TAFA1: variants seen among roughly 807,000 people sequenced by gnomAD.
TAFA1 encodes chemokine-like protein TAFA-1.
In TAFA1, 4 loss-of-function variants were observed where a neutral mutation model predicts 18.5. The ratio of observed to expected loss-of-function variants is 0.22; its 90% CI spans 0.11 to 0.49. The LOEUF (loss-of-function observed/expected upper bound fraction) is 0.49. Among genes scored for constraint, TAFA1 ranks in the 20% least tolerant of loss-of-function variants. The pLI, the probability that TAFA1 is intolerant of heterozygous loss-of-function variation, is 0.98. For missense variants in TAFA1, 147 were observed against 169.0 expected (o/e 0.87, Z 0.72); for synonymous variants, 56 against 55.2 (o/e 1.01, Z -0.06).
intron 3 of TAFA1, among the ~76,000 whole-genome samples, chr3:68,448,850 G>GA (rs1190188131): frequency 3.3e-5 from 5 of 152,052 alleles, no homozygotes; most frequent in Non-Finnish European, 5.9e-5. Flanking sequence ...ATGTAGAGAA[G>GA]AAAAAACAAT....
intron 4 of TAFA1, among the ~76,000 whole-genome samples, chr3:68,542,740 G>A (rs1381467849): frequency 1.3e-5 from 2 of 152,088 alleles, no homozygotes; most frequent in Non-Finnish European, 1.5e-5. Context: ...ATTTTTAAAG[G>A]TGTGGGTAGT....
chr3:68,359,198 A>G (rs2069423890), intron 2 of TAFA1, among the ~76,000 whole-genome samples: 1 of 152,008 alleles, frequency 6.6e-6, no homozygotes, highest in South Asian at 2.1e-4. Flanking sequence ...AGTATGCCCT[A>G]TGGCAAAAGG....
chr3:68,249,038 C>G (rs2067140445), intron 2 of TAFA1, among the ~76,000 whole-genome samples: 1 of 152,102 alleles, frequency 6.6e-6, no homozygotes. Context: ...GGCTCTGGGT[C>G]TCTTCTTCAG....
intron 2 of TAFA1, among the ~76,000 whole-genome samples, chr3:68,277,093 G>A (rs1285720662): frequency 6.6e-6 from 1 of 151,990 alleles, no homozygotes. Flanking sequence ...GGAAATACAT[G>A]AGAACAAGAT....
At chr3:68,000,170 T>C (rs1437004676), upstream of TAFA1, among the ~76,000 whole-genome samples, 1 of 152,236 alleles carries the variant, frequency 6.6e-6, no homozygotes, top group Admixed American at 6.5e-5. Context: ...GATTCATTTA[T>C]TATTATTCAT....
At chr3:68,513,491 T>G (rs2072879066) in intron 3 of TAFA1, among the ~76,000 whole-genome samples, 1 of 152,324 alleles carries the variant, frequency 6.6e-6, no homozygotes, top group African/African-American at 2.4e-5. Context: ...TGGCTAGTAG[T>G]TATCTTATTT....
chr3:68,510,609 TA>T, intron 3 of TAFA1, among the ~76,000 whole-genome samples: 1 of 152,238 alleles, frequency 6.6e-6, no homozygotes, highest in South Asian at 2.1e-4. Context: ...ACAATATTGC[TA>T]AATAGGTTAT....
chr3:68,475,522 G>C (rs528811242), intron 3 of TAFA1, among the ~76,000 whole-genome samples: 2 of 152,262 alleles, frequency 1.3e-5, no homozygotes, highest in African/African-American at 2.4e-5. Flanking sequence ...GTATTCCATG[G>C]TGTATATGTG....
At chr3:68,210,948 C>T (rs2066589092) in intron 2 of TAFA1, among the ~76,000 whole-genome samples, 1 of 151,894 alleles carries the variant, frequency 6.6e-6, no homozygotes, top group Admixed American at 6.6e-5. Flanking sequence ...GACTGGAAGA[C>T]CCAGTGCTAA....
At chr3:68,286,085 C>A (rs1044276682) in intron 2 of TAFA1, among the ~76,000 whole-genome samples, 2 of 151,986 alleles carry the variant, frequency 1.3e-5, no homozygotes, top group Non-Finnish European at 2.9e-5. Context: ...GTGGCATGCA[C>A]CTGTAGTCCC....
At chr3:68,293,411 C>T (rs1049167885) in intron 2 of TAFA1, among the ~76,000 whole-genome samples, 2 of 152,108 alleles carry the variant, frequency 1.3e-5, no homozygotes, top group African/African-American at 4.8e-5. Context: ...AAAAAAAAAT[C>T]CCTGTTGTAG....
Position 68,086,367 on chromosome 3 carries a change from A to T in TAFA1, c.118+79623A>T, listed in dbSNP as rs188302794. On this transcript the variant is annotated intron_variant, in intron 2 of 4. Coordinates refer to ENST00000478136, the MANE Select transcript of TAFA1 (RefSeq NM_213609.4). ...TGGAGATGCAAGTGAATATCTGGGC[A>T]GTCCTTTACAATTTGCAGAAGTTCT... Among the ~76,000 whole-genome samples, 291 of 152,298 alleles carry T rather than the reference A, an allele frequency of 1.9e-3. 2 individuals carry two copies. Among genetic ancestry groups the T allele is most frequent in the African/African-American group, 6.8e-3 (283 of 41,572 alleles).
intron 3 of TAFA1, among the ~76,000 whole-genome samples, chr3:68,493,475 C>T (rs2072491080): frequency 6.6e-6 from 1 of 152,142 alleles, no homozygotes; most frequent in Non-Finnish European, 1.5e-5. Context: ...CTTAGAATCC[C>T]TGATTTAAAT....
At chr3:68,167,150 T>C (rs759933773) in intron 2 of TAFA1, among the ~76,000 whole-genome samples, 3 of 152,208 alleles carry the variant, frequency 2.0e-5, no homozygotes, top group African/African-American at 4.8e-5. Context: ...AGTGCTGTGG[T>C]TGGGACATAA....
At chr3:68,404,951 T>C (rs1227658163) in intron 2 of TAFA1, among the ~76,000 whole-genome samples, 3 of 152,184 alleles carry the variant, frequency 2.0e-5, no homozygotes, top group Admixed American at 6.5e-5. Context: ...TTTTGATCTT[T>C]TCATCTTCAC....
At chr3:68,460,965 G>C (rs2071765610) in intron 3 of TAFA1, among the ~76,000 whole-genome samples, 1 of 152,160 alleles carries the variant, frequency 6.6e-6, no homozygotes, top group Non-Finnish European at 1.5e-5. Context: ...TAGTGCCCAA[G>C]ATAGGGCAGA....
rs1397383860 is a variant in TAFA1 at position 68,544,798 on chromosome 3, A to T, written c.*295A>T. On this transcript the variant is annotated 3_prime_UTR_variant, in exon 5 of 5. Transcript: ENST00000478136. ...TTTGAATCTATAGTTACTTTGTACC[A>T]TTTGAAATATATGTATATATATATA... 4.8e-6 allele frequency: 1 copy of T among 207,686 alleles called. No homozygotes were observed. The highest frequency in any genetic ancestry group is 9.6e-6 in the Non-Finnish European group (1 of 104,240). The allele number at this position is 207,686 out of a possible 1,614,324, so 12.9% of individuals were successfully genotyped here. A position where few individuals can be genotyped will look rare whatever the true frequency, so the allele number is the denominator to read the frequency against.
intron 2 of TAFA1, among the ~76,000 whole-genome samples, chr3:68,377,348 T>C (rs2069838419): frequency 1.3e-5 from 2 of 152,132 alleles, no homozygotes; most frequent in South Asian, 4.1e-4. Context: ...AAATCCAGAC[T>C]TAGGTGGTCT....
Position 68,533,276 on chromosome 3 carries a change from G to A in TAFA1, c.260-5480G>A, listed in dbSNP as rs182934965. ...TCACAATCATGGCAGAAGGTGAAAA[G>A]CACATCTTATATGGTGCTGGACAAG... On this transcript the variant is annotated intron_variant, in intron 3 of 4. Transcript: ENST00000478136. Among the ~76,000 whole-genome samples the A allele has an allele frequency of 9.2e-5, 14 of 152,196 alleles. No individual in the cohort carries two copies. In the East Asian group the frequency reaches 2.7e-3, roughly 29 times the overall value.
Sources: gnomAD v4.1 joint callset for allele counts (sites outside exome capture counted in the v4.1 genomes callset) on GRCh38, gnomAD v4.1.1 for gene constraint, MANE v1.5 for transcripts, NCBI Gene and HGNC (gene_info 2026-07-23, HGNC 2026-07-21) for gene names.